The following MAGEC3 variants were observed in gnomAD, a reference collection of about 807,000 sequenced individuals.
MAGEC3 encodes MAGE family member C3, also known as melanoma-associated antigen C3.
Under a neutral mutation model 35.3 loss-of-function variants are expected in MAGEC3, and 34 were observed. The observed-to-expected ratio is 0.96, with a 90% CI of 0.73 to 1.28. The LOEUF (loss-of-function observed/expected upper bound fraction) is 1.28. Among genes scored for constraint, MAGEC3 ranks in the 50% most tolerant of loss-of-function variants. MAGEC3 has a pLI of 0.00. For missense variants in MAGEC3, 561 were observed against 483.6 expected, an observed-to-expected ratio of 1.16 and a Z score of -1.50; for synonymous variants, 202 against 185.6, an observed-to-expected ratio of 1.09 and a Z score of -0.72.
chrX:141,861,977 A>G (rs1434740917), intron 1 of MAGEC3, among the ~76,000 whole-genome samples: 2 of 111,955 alleles, frequency 1.8e-5, no homozygotes, highest in East Asian at 2.8e-4. Flanking sequence ...AAAGGAACCA[A>G]TAAACAAAGT....
chrX:141,894,172 G>C (rs917924251), intron 4 of MAGEC3, among the ~76,000 whole-genome samples: 1 of 111,942 alleles, frequency 8.9e-6, no homozygotes, highest in South Asian at 3.7e-4. Flanking sequence ...GACCTCAAAA[G>C]AGATGCACAG....
At chrX:141,868,975 G>A (rs747263321) in intron 2 of MAGEC3, among the ~76,000 whole-genome samples, 47 of 109,353 alleles carry the variant, frequency 4.3e-4, no homozygotes, top group African/African-American at 1.4e-3. Flanking sequence ...TCCGCCTCTC[G>A]GGTTCACGCC....
At chrX:141,869,959 T>TTA (rs1368651152) in intron 2 of MAGEC3, among the ~76,000 whole-genome samples, 171 of 111,706 alleles carry the variant, frequency 1.5e-3, no homozygotes, top group African/African-American at 5.2e-3. Context: ...AATAATTCTG[T>TTA]TTACCTCTTT....
chrX:141,855,711 T>C (rs1373479045), intron 1 of MAGEC3, among the ~76,000 whole-genome samples: 1 of 111,779 alleles, frequency 8.9e-6, no homozygotes. Flanking sequence ...TGCTTTTCAT[T>C]TCACGAACCA....
At chrX:141,858,684 C>G (rs1326892607) in intron 1 of MAGEC3, among the ~76,000 whole-genome samples, 1 of 110,214 alleles carries the variant, frequency 9.1e-6, no homozygotes, top group Non-Finnish European at 1.9e-5. Context: ...GAGATACATA[C>G]ACACACACCA....
At chrX:141,855,554 T>C (rs1383693312) in intron 1 of MAGEC3, among the ~76,000 whole-genome samples, 1 of 111,354 alleles carries the variant, frequency 9.0e-6, no homozygotes, top group African/African-American at 3.3e-5. Context: ...AAGCATATTT[T>C]ATTTTGGTGA....
At chrX:141,881,378 A>G (rs1731278820) in intron 3 of MAGEC3, 25 bp from the exon 4 acceptor site, 1 of 1,174,618 alleles carries the variant, frequency 8.5e-7, no homozygotes. Flanking sequence ...AGCCAATAAG[A>G]TGAAGATACA....
chrX:141,848,417 G>C (rs1400795850), intron 1 of MAGEC3, among the ~76,000 whole-genome samples: 1 of 110,685 alleles, frequency 9.0e-6, no homozygotes, highest in Admixed American at 9.7e-5. Flanking sequence ...ACTAATAAAC[G>C]ACTTTAGTAA....
intron 4 of MAGEC3, among the ~76,000 whole-genome samples, chrX:141,889,546 G>A (rs1164422233): frequency 8.9e-6 from 1 of 112,269 alleles, no homozygotes; most frequent in East Asian, 2.8e-4. Context: ...AGGAGTTACA[G>A]TGTTTGCTGG....
chrX:141,879,533 C>A, intron 3 of MAGEC3, 102 bp downstream of exon 3: 1 of 957,130 alleles, frequency 1.0e-6, no homozygotes, highest in African/African-American at 2.1e-5. Flanking sequence ...GGGAGGTAGG[C>A]AGGAAGGGGT....
intron 4 of MAGEC3, among the ~76,000 whole-genome samples, chrX:141,883,355 G>A (rs1294808301): frequency 8.9e-6 from 1 of 112,026 alleles, no homozygotes; most frequent in African/African-American, 3.2e-5. Flanking sequence ...AATAGAAATA[G>A]TTGTTTGGAT....
intron 2 of MAGEC3, among the ~76,000 whole-genome samples, chrX:141,872,999 C>T (rs753505271): frequency 8.9e-6 from 1 of 111,833 alleles, no homozygotes; most frequent in Admixed American, 9.4e-5. Context: ...CAACACCCAT[C>T]CTGGGTTTTG....
intron 6 of MAGEC3, 55 bp downstream of exon 6, chrX:141,895,614 C>A: frequency 9.1e-7 from 1 of 1,098,079 alleles, no homozygotes; most frequent in East Asian, 3.2e-5. Flanking sequence ...TGGGGGAACC[C>A]CCACCTCAGA....
Position 141,865,592 on chromosome X carries a change from C to G in MAGEC3, c.245C>G (p.Pro82Arg). 1 of 1,204,415 alleles carries G rather than the reference C, an allele frequency of 8.3e-7. No homozygotes were observed. Among genetic ancestry groups the G allele is most frequent in the Non-Finnish European group, 1.1e-6 (1 of 891,869 alleles). The change falls in exon 2 of 8, where the codon CCC (proline) becomes CGC (arginine). Residue 82 changes from proline to arginine, a missense_variant. Coordinates refer to ENST00000298296, the MANE Select transcript of MAGEC3 (RefSeq NM_138702.1). ...CGAATGGATAGTCTTGTCCTCTGCCCCACATACTTCAAGGTAAGGACTCTA... is the reference window on the plus strand; with the variant it reads ...CGAATGGATAGTCTTGTCCTCTGCCGCACATACTTCAAGGTAAGGACTCTA... ...DQRMDSLVLC[P>R]TYFKLWRTLS...
At chrX:141,894,193 G>C (rs977334008) in intron 4 of MAGEC3, among the ~76,000 whole-genome samples, 1 of 111,813 alleles carries the variant, frequency 8.9e-6, no homozygotes, top group Non-Finnish European at 1.9e-5. Context: ...GGGACTTTTC[G>C]GGTGATGGAA....
intron 2 of MAGEC3, among the ~76,000 whole-genome samples, chrX:141,874,818 TAAA>T (rs11396160): frequency 2.2e-3 from 219 of 97,651 alleles, no homozygotes; most frequent in African/African-American, 7.3e-3. Flanking sequence ...CTGGAAATGG[TAAA>T]AAAAAAAAAA....
intron 1 of MAGEC3, chrX:141,839,883 T>C: frequency 2.1e-6 from 1 of 468,006 alleles, no homozygotes; most frequent in Non-Finnish European, 2.6e-6. Context: ...GAGACAGAGA[T>C]GCTTCTAAGC....
chrX:141,868,049 G>T (rs988530870), intron 2 of MAGEC3, among the ~76,000 whole-genome samples: 3 of 110,767 alleles, frequency 2.7e-5, no homozygotes, highest in Admixed American at 9.6e-5. Context: ...TGTGAACCCG[G>T]GAGGCGGAGC....
In MAGEC3 at chrX:141,897,456, G is replaced by A. The variant is rs773307112; in HGVS notation, c.1698G>A (p.Glu566=). Residue 566 remains glutamate, a synonymous_variant, in exon 7 of 8, where the codon GAG becomes GAA. Coordinates refer to ENST00000298296, the MANE Select transcript of MAGEC3 (RefSeq NM_138702.1). ...TAAAGGGCAGCTGTGTCCCCGAGGA[G>A]GTCATCTGGGAAGTGTTGAGTGCAA... The part of the protein sequence containing the change: ...IFIKGSCVPE[E]VIWEVLSAIG... 8.3e-7 allele frequency: 1 copy of A among 1,209,267 alleles called. No homozygotes were observed. The highest frequency in any genetic ancestry group is 2.2e-5 in the Admixed American group (1 of 45,902).
Sources: allele counts gnomAD v4.1 joint callset (sites outside exome capture counted in the v4.1 genomes callset), GRCh38; gene constraint gnomAD v4.1.1; transcripts MANE v1.5; gene names NCBI Gene and HGNC (gene_info 2026-07-23, HGNC 2026-07-21).